Variants in DCC observed in about 807,000 individuals in gnomAD.
DCC encodes DCC netrin 1 receptor.
A neutral mutation model predicts 172.5 loss-of-function variants in DCC; 58 were observed. The observed-to-expected ratio is 0.34, with a 90% CI of 0.27 to 0.42. The LOEUF (loss-of-function observed/expected upper bound fraction) is 0.42. DCC is among the 10% of genes least tolerant of loss of function. The probability of loss-of-function intolerance (pLI) is 1.00; values close to 1 mark genes in which losing one functional copy is unlikely to be tolerated. For missense variants in DCC, 1,740 were observed against 1,791.0 expected, an observed-to-expected ratio of 0.97 and a Z score of 0.51; for synonymous variants, 709 against 644.5, an observed-to-expected ratio of 1.10 and a Z score of -1.52.
intron 1 of DCC, among the ~76,000 whole-genome samples, chr18:52,626,982 T>G (rs1171794576): frequency 6.6e-6 from 1 of 152,202 alleles, no homozygotes; most frequent in African/African-American, 2.4e-5. Context: ...TAGCCATTTA[T>G]TTCTCAGTCC....
At chr18:52,963,092 AAATTAT>A (rs1378870337) in intron 5 of DCC, among the ~76,000 whole-genome samples, 14 of 148,008 alleles carry the variant, frequency 9.5e-5, no homozygotes, top group South Asian at 2.1e-4. Flanking sequence ...CCTAAAACTT[AAATTAT>A]AATTATAATA....
In DCC at chr18:53,067,829, G is replaced by A. The variant is rs149835642; in HGVS notation, c.1261+1663G>A. 3.9e-5 allele frequency among the ~76,000 whole-genome samples: 6 copies of A among 152,202 alleles called. No individual in the cohort carries two copies. The East Asian group carries it at 1.2e-3, about 29-fold the overall frequency. ...TTGTGTTAATCTTTTCCTGAAGTAA[G>A]TTTAATAGAAAGTAGGAAAAGCATA... is the stretch of plus-strand genomic sequence containing the variant. On this transcript the variant is annotated intron_variant, in intron 7 of 28. Transcript: ENST00000442544.
At chr18:52,628,378 T>C (rs1250896496) in intron 1 of DCC, among the ~76,000 whole-genome samples, 1 of 152,260 alleles carries the variant, frequency 6.6e-6, no homozygotes, top group Non-Finnish European at 1.5e-5. Context: ...TTTCACTGTA[T>C]GCAAAGTGTT....
chr18:52,544,537 A>C (rs897943631), intron 1 of DCC, among the ~76,000 whole-genome samples: 1 of 151,042 alleles, frequency 6.6e-6, no homozygotes, highest in African/African-American at 2.4e-5. Flanking sequence ...CACAGGTTAC[A>C]TTTTATATCA....
intron 1 of DCC, among the ~76,000 whole-genome samples, chr18:52,560,712 G>T (rs1053315933): frequency 7.9e-5 from 12 of 152,134 alleles, no homozygotes; most frequent in Non-Finnish European, 1.3e-4. Flanking sequence ...AACTATTACT[G>T]TGCATGAACC....
At chr18:53,104,908 A>G (rs1337921100) in intron 7 of DCC, among the ~76,000 whole-genome samples, 3 of 152,008 alleles carry the variant, frequency 2.0e-5, no homozygotes, top group Admixed American at 6.6e-5. Flanking sequence ...TGCAAATTCA[A>G]TTTCACCCTT....
intron 7 of DCC, among the ~76,000 whole-genome samples, chr18:53,150,815 A>G (rs17485642): frequency 0.09 from 13,717 of 152,310 alleles, 770 homozygotes; most frequent in Non-Finnish European, 0.13. Flanking sequence ...GAGAGGTAGC[A>G]AGGAGGCTGT....
At chr18:52,562,895 G>C (rs566083418) in intron 1 of DCC, among the ~76,000 whole-genome samples, 2 of 152,068 alleles carry the variant, frequency 1.3e-5, no homozygotes, top group East Asian at 3.9e-4. Context: ...CCCCTAAAGT[G>C]CTGGGATTAC....
At chr18:52,672,930 G>A (rs947416203) in intron 1 of DCC, among the ~76,000 whole-genome samples, 12 of 152,136 alleles carry the variant, frequency 7.9e-5, no homozygotes, top group African/African-American at 1.9e-4. Context: ...TGAATATGGT[G>A]ATGGTCACCT....
intron 5 of DCC, among the ~76,000 whole-genome samples, chr18:53,012,753 T>TA (rs2041748970): frequency 6.6e-6 from 1 of 152,048 alleles, no homozygotes; most frequent in Non-Finnish European, 1.5e-5. Flanking sequence ...TTGATGAGAC[T>TA]AAAACATAAA....
chr18:53,360,990 G>A (rs2057938861), intron 15 of DCC, among the ~76,000 whole-genome samples: 1 of 152,110 alleles, frequency 6.6e-6, no homozygotes, highest in Non-Finnish European at 1.5e-5. Context: ...TGGAAAAGGG[G>A]TCTTAGCAGA....
intron 1 of DCC, among the ~76,000 whole-genome samples, chr18:52,399,548 A>G (rs1235512018): frequency 1.3e-5 from 2 of 152,036 alleles, no homozygotes; most frequent in South Asian, 2.1e-4. Flanking sequence ...TGATCTACTT[A>G]TAAGTCCCTA....
intron 2 of DCC, among the ~76,000 whole-genome samples, chr18:52,821,021 A>T (rs1003985112): frequency 3.3e-4 from 50 of 152,074 alleles, no homozygotes; most frequent in Non-Finnish European, 1.2e-4. Context: ...TTTCGTGCTG[A>T]ATTTGTTCTC....
chr18:52,931,516 A>G (rs1214830421), intron 5 of DCC, among the ~76,000 whole-genome samples: 1 of 152,142 alleles, frequency 6.6e-6, no homozygotes, highest in African/African-American at 2.4e-5. Flanking sequence ...CTTTTCAAGT[A>G]GAATATCATT....
At chr18:52,426,176 C>T (rs955769414) in intron 1 of DCC, among the ~76,000 whole-genome samples, 10 of 152,166 alleles carry the variant, frequency 6.6e-5, no homozygotes, top group African/African-American at 2.2e-4. Context: ...GCACTTGTGC[C>T]TTATGATGGT....
chr18:52,717,653 T>C (rs1216895119), intron 1 of DCC, among the ~76,000 whole-genome samples: 1 of 152,082 alleles, frequency 6.6e-6, no homozygotes, highest in Non-Finnish European at 1.5e-5. Flanking sequence ...TGGACAAACA[T>C]ATTACATGTC....
chr18:52,558,021 T>C (rs2032954565), intron 1 of DCC, among the ~76,000 whole-genome samples: 1 of 152,188 alleles, frequency 6.6e-6, no homozygotes, highest in South Asian at 2.1e-4. Flanking sequence ...GTATATTATA[T>C]ATAAATTTGT....
At chr18:52,469,813 A>T (rs1169537647) in intron 1 of DCC, among the ~76,000 whole-genome samples, 1 of 152,208 alleles carries the variant, frequency 6.6e-6, no homozygotes, top group Non-Finnish European at 1.5e-5. Context: ...GCCCTGCATT[A>T]CTGGGACCTC....
At chr18:53,275,272 T>C (rs2056792175) in intron 12 of DCC, among the ~76,000 whole-genome samples, 1 of 152,108 alleles carries the variant, frequency 6.6e-6, no homozygotes, top group African/African-American at 2.4e-5. Flanking sequence ...CTATTACTGC[T>C]TTGCAAGTAC....
Sources: allele counts gnomAD v4.1 joint callset (sites outside exome capture counted in the v4.1 genomes callset), GRCh38; gene constraint gnomAD v4.1.1; transcripts MANE v1.5; gene names NCBI Gene and HGNC (gene_info 2026-07-23, HGNC 2026-07-21).